The following APLP2 variants were observed in gnomAD, a reference collection of about 807,000 sequenced individuals.
APLP2 encodes CDEI box-binding protein.
Under a neutral mutation model 89.9 loss-of-function variants are expected in APLP2, and 53 were observed. The observed-to-expected ratio is 0.59, with a 90% confidence interval of 0.47 to 0.74. The LOEUF is 0.74. Among genes scored for constraint, APLP2 ranks in the 30% least tolerant of loss-of-function variants. The pLI is 0.00. For missense variants in APLP2, 973 were observed against 975.9 expected (o/e 1.00, Z 0.04); for synonymous variants, 372 against 348.6 (o/e 1.07, Z -0.75).
At chr11:130,128,191 A>T (rs1950581162) in intron 9 of APLP2, among the ~76,000 whole-genome samples, 1 of 152,230 alleles carries the variant, frequency 6.6e-6, no homozygotes, top group Admixed American at 6.5e-5. Flanking sequence ...TGAAAGTCAA[A>T]GGATAGAAAA....
In APLP2 at chr11:130,141,590, G is replaced by A. The variant is rs776171149; in HGVS notation, c.1998+18G>A. On this transcript the variant is annotated intron_variant, in intron 15 of 16. Transcript: ENST00000338167. This position sits in a 1 kb window ranked among gnomAD's most constrained non-coding sequence, Gnocchi z 4.2. ...AAGAGCGGGTACGTGTTTAGCTCCAGAACCTAAGGTTTCCTGCCAATCTTA... is the reference window on the plus strand; with the variant it reads ...AAGAGCGGGTACGTGTTTAGCTCCAAAACCTAAGGTTTCCTGCCAATCTTA... 5 of 1,609,960 alleles carry A rather than the reference G, an allele frequency of 3.1e-6. No individual in the cohort carries two copies. In the South Asian group the frequency reaches 5.5e-5, roughly 18 times the overall value.
chr11:130,071,639 A>C (rs1306185924), intron 1 of APLP2, among the ~76,000 whole-genome samples: 2 of 152,258 alleles, frequency 1.3e-5, no homozygotes, highest in African/African-American at 4.8e-5. Context: ...TTCACAGTAG[A>C]AGACTCAGCA....
rs112637304 is a variant in APLP2, at chr11:130,143,270, A to T, written c.2155-77A>T. The stretch of plus-strand genomic sequence containing the variant: ...TTGGTCCTCAGGGGATTGTGCAGCA[A>T]ATGGCTCAGGTCTCCCAGCACCCTG... On this transcript the variant is annotated intron_variant, in intron 16 of 16. Coordinates refer to ENST00000338167, the MANE Select transcript of APLP2 (RefSeq NM_001142276.2). The T allele has an allele frequency of 5.4e-4, 732 of 1,354,434 alleles. 4 individuals carry two copies. In the African/African-American group the frequency reaches 9.5e-3, roughly 18 times the overall value. The allele number at this position is 1,354,434 out of a possible 1,614,324, so 83.9% of individuals were successfully genotyped here.
rs578220926 is a variant in APLP2, at chr11:130,069,925, G to A, written c.-53G>A. 1 of 1,341,216 alleles carries A rather than the reference G, an allele frequency of 7.5e-7. No homozygotes were observed. Among genetic ancestry groups the A allele is most frequent in the South Asian group, 1.3e-5 (1 of 77,994 alleles). The allele number at this position is 1,341,216 out of a possible 1,614,324, so 83.1% of individuals were successfully genotyped here. The stretch of plus-strand genomic sequence containing the variant: ...TTCTGGGTCGCGGTGTGCTAAGCGA[G>A]GAGTCCGAGTGTGTGAGCTTGAGAG... On this transcript the variant is annotated 5_prime_UTR_variant, in exon 1 of 17. Coordinates refer to ENST00000338167, the MANE Select transcript of APLP2 (RefSeq NM_001142276.2).
chr11:130,131,565 TGGATGTAGCAGAAGA>T (rs1228315220), intron 11 of APLP2, among the ~76,000 whole-genome samples: 8 of 152,326 alleles, frequency 5.3e-5, no homozygotes, highest in Non-Finnish European at 1.2e-4. Context: ...TGCTTCACGC[TGGATGTAGCAGAAGA>T]GGAGAAAGTC....
At chr11:130,079,921 G>T (rs1415367422) in intron 1 of APLP2, among the ~76,000 whole-genome samples, 1 of 152,158 alleles carries the variant, frequency 6.6e-6, no homozygotes, top group East Asian at 1.9e-4. Context: ...AAAGATTCTT[G>T]TCATGAATGA....
At chr11:130,074,961 T>A (rs1201613308) in intron 1 of APLP2, among the ~76,000 whole-genome samples, 6 of 152,326 alleles carry the variant, frequency 3.9e-5, no homozygotes, top group African/African-American at 1.4e-4. Flanking sequence ...TGATTTTTAA[T>A]GAGATAAACT....
chr11:130,129,748 C>CA (rs1831691426), intron 10 of APLP2, among the ~76,000 whole-genome samples: 1 of 152,148 alleles, frequency 6.6e-6, no homozygotes. Context: ...TTATAGGTGT[C>CA]AGAGGCTGAG....
At chr11:130,133,979 A>G in intron 12 of APLP2, among the ~76,000 whole-genome samples, 1 of 152,234 alleles carries the variant, frequency 6.6e-6, no homozygotes, top group East Asian at 1.9e-4. Flanking sequence ...TAGCGGAAGA[A>G]TATCTGGGGT....
Position 130,130,148 on chromosome 11 carries a change from G to A in APLP2, c.1566G>A (p.Ala522=), listed in dbSNP as rs757343936. Residue 522 remains alanine, a synonymous_variant, in exon 11 of 17, where the codon GCG becomes GCA. Transcript: ENST00000338167. ...QHVLAVDPEK[A]AQMKSQVMTH... is the part of the protein sequence containing the mutation. Reference sequence around the variant, plus strand: ...TGTTGGCTGTTGACCCAGAAAAGGCGGCCCAGATGAAATCCCAGGTACAGT... The same window carrying A: ...TGTTGGCTGTTGACCCAGAAAAGGCAGCCCAGATGAAATCCCAGGTACAGT... 2.8e-5 allele frequency: 46 copies of A among 1,614,064 alleles called. No homozygotes were observed. Among genetic ancestry groups the A allele is most frequent in the Non-Finnish European group, 3.6e-5 (42 of 1,180,040 alleles).
chr11:130,122,198 C>T lies in APLP2; in HGVS notation c.714-107C>T, dbSNP rs560015260. On this transcript the variant is annotated intron_variant, in intron 5 of 16. Transcript: ENST00000338167. Reference sequence around the variant, plus strand: ...GTGGCACGGTGAAATGTGCGTTGAGCTTATTTCCTGCCTCTGTTTTTGTGT... The same window carrying T: ...GTGGCACGGTGAAATGTGCGTTGAGTTTATTTCCTGCCTCTGTTTTTGTGT... 40 of 1,337,276 alleles carry T rather than the reference C, an allele frequency of 3.0e-5. No homozygotes were observed. The Admixed American group carries it at 5.6e-4, about 19-fold the overall frequency. 82.8% of individuals were successfully genotyped at this position (1,337,276 alleles called of 1,614,324 possible). A position where few individuals can be genotyped will look rare whatever the true frequency, so the allele number is the denominator to read the frequency against.
rs1014918454 is a variant in APLP2, at chr11:130,070,581, G to A, written c.105+499G>A. On this transcript the variant is annotated intron_variant, in intron 1 of 16. Coordinates refer to ENST00000338167, the MANE Select transcript of APLP2 (RefSeq NM_001142276.2). ...GCGGGCTTCGCCTTTGTTGCCAGGT[G>A]GACGCGGCCCCGGCCTTCGCGCGCG... 12 of 1,312,596 alleles carry A rather than the reference G, an allele frequency of 9.1e-6. No individual in the cohort carries two copies. The African/African-American group carries it at 1.2e-4, about 14-fold the overall frequency. 81.3% of individuals were successfully genotyped at this position (1,312,596 alleles called of 1,614,324 possible). A position where few individuals can be genotyped will look rare whatever the true frequency, so the allele number is the denominator to read the frequency against.
rs1445040431 is a variant in APLP2, at chr11:130,143,907, C to CT, written c.*464dup. 6.4e-6 allele frequency: 1 copy of CT among 155,830 alleles called. No individual in the cohort carries two copies. Among genetic ancestry groups the CT allele is most frequent in the Non-Finnish European group, 1.4e-5 (1 of 70,500 alleles). The allele number at this position is 155,830 out of a possible 1,614,324, so 9.7% of individuals were successfully genotyped here. Reference sequence around the variant, plus strand: ...TTAAAGAAAAAAAAGGCAGTATTCCCTTTTTAAATGAGCTTTCAGGAAGTT... The same window carrying CT: ...TTAAAGAAAAAAAAGGCAGTATTCCCTTTTTTAAATGAGCTTTCAGGAAGTT... On this transcript the variant is annotated 3_prime_UTR_variant, in exon 17 of 17. Transcript: ENST00000338167.
At chr11:130,112,122 C>G (rs1379987838) in intron 3 of APLP2, among the ~76,000 whole-genome samples, 2 of 152,200 alleles carry the variant, frequency 1.3e-5, no homozygotes, top group African/African-American at 4.8e-5. Flanking sequence ...GATTTTCAAA[C>G]TGTGCGCCGA....
chr11:130,130,872 C>T (rs1950872381), intron 11 of APLP2, among the ~76,000 whole-genome samples: 1 of 152,218 alleles, frequency 6.6e-6, no homozygotes, highest in Non-Finnish European at 1.5e-5. Context: ...AGAAACCCTC[C>T]TTCCCCACAG....
chr11:130,126,666 C>G (rs201467589), intron 7 of APLP2, 34 bp from the exon 8 acceptor site: 56 of 1,611,416 alleles, frequency 3.5e-5, no homozygotes, highest in Non-Finnish European at 4.2e-5. Context: ...TGCATCTGAT[C>G]CCAAAGAGAA....
At chr11:130,138,753 AT>A (rs34571431) in intron 13 of APLP2, 20,226 of 124,642 alleles carry the variant, frequency 0.16, 3,095 homozygotes, top group African/African-American at 0.41. Flanking sequence ...CCTCGGCTAA[AT>A]TTTTTTTTTT....
At chr11:130,106,540 G>A (rs1947784747) in intron 1 of APLP2, among the ~76,000 whole-genome samples, 1 of 152,062 alleles carries the variant, frequency 6.6e-6, no homozygotes, top group South Asian at 2.1e-4. Context: ...TCCTTTCTTG[G>A]TCTGCAGACT....
chr11:130,109,729 C>A, intron 2 of APLP2, 127 bp downstream of exon 2: 1 of 1,058,808 alleles, frequency 9.4e-7, no homozygotes, highest in Non-Finnish European at 1.3e-6. Flanking sequence ...ACTGGAGCCC[C>A]AAGCCTTTTG....
Sources: gnomAD v4.1 joint callset for allele counts (sites outside exome capture counted in the v4.1 genomes callset) on GRCh38, gnomAD v4.1.1 for gene constraint, Gnocchi (gnomAD v3.1) non-coding constraint, MANE v1.5 for transcripts, NCBI Gene and HGNC (gene_info 2026-07-23, HGNC 2026-07-21) for gene names.